Variants in KCNIP4 observed in about 807,000 individuals in gnomAD.
The protein encoded by KCNIP4 is potassium voltage-gated channel interacting protein 4.
In KCNIP4, 12 loss-of-function variants were observed where a neutral mutation model predicts 34.0. The ratio of observed to expected loss-of-function variants is 0.35; its 90% CI spans 0.23 to 0.57. The LOEUF is 0.57. Among genes scored for constraint, KCNIP4 ranks in the 20% least tolerant of loss-of-function variants. KCNIP4 has a pLI of 0.83. For missense variants in KCNIP4, 238 were observed against 311.7 expected (o/e 0.76, Z 1.78); for synonymous variants, 124 against 102.2 (o/e 1.21, Z -1.29).
chr4:21,695,969 G>T (rs1010873271), intron 1 of KCNIP4, among the ~76,000 whole-genome samples: 2 of 151,996 alleles, frequency 1.3e-5, no homozygotes. Context: ...CTAAACATTT[G>T]TAATCTAAAG....
chr4:20,882,449 G>T (rs1483901030), intron 2 of KCNIP4, among the ~76,000 whole-genome samples, 159 bp downstream of exon 2: 1 of 152,084 alleles, frequency 6.6e-6, no homozygotes, highest in African/African-American at 2.4e-5. Context: ...ACTCCTAATT[G>T]CCCAAATGTT....
chr4:20,814,576 G>A (rs1208417290), intron 3 of KCNIP4, among the ~76,000 whole-genome samples: 1 of 152,176 alleles, frequency 6.6e-6, no homozygotes, highest in Non-Finnish European at 1.5e-5. Flanking sequence ...TCAACTCTGT[G>A]ATTGCACCTC....
chr4:20,882,576 G>A (rs1577309347), intron 2 of KCNIP4, 32 bp downstream of exon 2: 1 of 1,462,164 alleles, frequency 6.8e-7, no homozygotes, highest in Non-Finnish European at 9.5e-7. Context: ...AAGAGTTTCG[G>A]AGGAAAAAAA....
intron 1 of KCNIP4, among the ~76,000 whole-genome samples, chr4:21,826,925 T>C (rs1722710411): frequency 6.6e-6 from 1 of 152,068 alleles, no homozygotes; most frequent in Admixed American, 6.6e-5. Context: ...TGAAAAACTT[T>C]TCTGAGGCTG....
intron 1 of KCNIP4, among the ~76,000 whole-genome samples, chr4:21,561,208 A>G (rs575980101): frequency 6.6e-6 from 1 of 152,112 alleles, no homozygotes; most frequent in South Asian, 2.1e-4. Flanking sequence ...CCATTAGGGG[A>G]GCTTCAAAGT....
chr4:21,930,911 T>C lies in KCNIP4; in HGVS notation c.61+17660A>G, dbSNP rs1729524921. On this transcript the variant is annotated intron_variant, in intron 1 of 8. Transcript: ENST00000382152. ...GTGCTAGTCTTTTGTGATGGTTTAT[T>C]AATTCAATGAGTATTTGAGAGCCAA... 1.3e-5 allele frequency among the ~76,000 whole-genome samples: 2 copies of C among 152,144 alleles called. 1 individual carries two copies. Among genetic ancestry groups the C allele is most frequent in the South Asian group, 4.1e-4 (2 of 4,832 alleles).
chr4:20,927,823 A>ACATTTAT (rs1189585166), intron 1 of KCNIP4, among the ~76,000 whole-genome samples: 1 of 152,130 alleles, frequency 6.6e-6, no homozygotes, highest in Non-Finnish European at 1.5e-5. Context: ...CATAAATGCT[A>ACATTTAT]CATTTATCTA....
intron 1 of KCNIP4, among the ~76,000 whole-genome samples, chr4:21,207,488 CT>C (rs1756929288): frequency 6.6e-6 from 1 of 152,134 alleles, no homozygotes; most frequent in African/African-American, 2.4e-5. Flanking sequence ...GAAACACACA[CT>C]TATGTACATG....
chr4:21,007,884 G>A (rs1738712377), intron 1 of KCNIP4, among the ~76,000 whole-genome samples: 1 of 152,230 alleles, frequency 6.6e-6, no homozygotes, highest in East Asian at 1.9e-4. Flanking sequence ...GTAAACTTTA[G>A]TTAAACAAAT....
At chr4:21,233,494 A>T (rs1358740725) in intron 1 of KCNIP4, among the ~76,000 whole-genome samples, 1 of 152,016 alleles carries the variant, frequency 6.6e-6, no homozygotes, top group African/African-American at 2.4e-5. Flanking sequence ...GCCAGGGAAA[A>T]GGTAGAGGGT....
chr4:21,548,588 A>T (rs75636034), intron 1 of KCNIP4, among the ~76,000 whole-genome samples: 1 of 150,702 alleles, frequency 6.6e-6, no homozygotes, highest in East Asian at 2.0e-4. Context: ...AAAAAAAAAA[A>T]GCAAACTATC....
intron 1 of KCNIP4, among the ~76,000 whole-genome samples, chr4:21,470,430 C>T (rs1186472548): frequency 1.7e-5 from 2 of 118,592 alleles, no homozygotes; most frequent in Admixed American, 7.9e-5. Context: ...AACTTGTTCA[C>T]AATAATCTTG....
chr4:21,773,145 A>G (rs755078878), intron 1 of KCNIP4, among the ~76,000 whole-genome samples: 4 of 152,066 alleles, frequency 2.6e-5, no homozygotes, highest in African/African-American at 9.7e-5. Flanking sequence ...GAAAGAACTT[A>G]TTGATTTATG....
intron 1 of KCNIP4, among the ~76,000 whole-genome samples, chr4:21,350,607 G>A (rs140743474): frequency 1.3e-5 from 2 of 152,162 alleles, no homozygotes; most frequent in Admixed American, 6.5e-5. Flanking sequence ...TCTAATCTAC[G>A]AGTGGAGGTG....
chr4:20,990,139 C>T (rs1736960986), intron 1 of KCNIP4, among the ~76,000 whole-genome samples: 2 of 152,184 alleles, frequency 1.3e-5, no homozygotes, highest in African/African-American at 2.4e-5. Context: ...TGTCTCTTCA[C>T]ACTGTAAGAT....
At chr4:21,119,244 G>A (rs1030013773) in intron 1 of KCNIP4, among the ~76,000 whole-genome samples, 1 of 151,888 alleles carries the variant, frequency 6.6e-6, no homozygotes, top group Admixed American at 6.6e-5. Context: ...TTTGAGAAGT[G>A]GAACTTTAGC....
intron 1 of KCNIP4, among the ~76,000 whole-genome samples, chr4:21,458,319 G>T (rs1276161689): frequency 6.6e-6 from 1 of 151,732 alleles, no homozygotes; most frequent in Non-Finnish European, 1.5e-5. Flanking sequence ...CAAAGGACAG[G>T]AACTCATCAT....
chr4:21,504,475 A>AAAAAAAAAAAAAAG (rs1264431211), intron 1 of KCNIP4, among the ~76,000 whole-genome samples: 2 of 101,852 alleles, frequency 2.0e-5, no homozygotes, highest in African/African-American at 3.9e-5. Context: ...CAAAAAAAAA[A>AAAAAAAAAAAAAAG]AAAGAAAGAA....
At chr4:21,493,814 CTTCT>C (rs1732617819) in intron 1 of KCNIP4, among the ~76,000 whole-genome samples, 1 of 152,182 alleles carries the variant, frequency 6.6e-6, no homozygotes, top group Non-Finnish European at 1.5e-5. Context: ...AGACATTTGG[CTTCT>C]CTTTAATAGG....
Sources: gnomAD v4.1 joint callset for allele counts (sites outside exome capture counted in the v4.1 genomes callset) on GRCh38, gnomAD v4.1.1 for gene constraint, MANE v1.5 for transcripts, NCBI Gene and HGNC (gene_info 2026-07-23, HGNC 2026-07-21) for gene names.